The following ARHGAP35 variants were observed in gnomAD, a reference collection of about 807,000 sequenced individuals.
ARHGAP35 encodes the protein rho GTPase-activating protein 35.
ARHGAP35 carries 15 observed loss-of-function variants against 111.1 expected under a neutral mutation model. That is an observed-to-expected ratio of 0.13 (90% CI 0.09 to 0.21). The LOEUF (loss-of-function observed/expected upper bound fraction) is 0.21, where lower values mean the gene tolerates loss of function less well. ARHGAP35 is among the 10% of genes least tolerant of loss of function. The pLI is 1.00. For synonymous variants in ARHGAP35, 643 were observed against 710.3 expected (o/e 0.91, Z 1.51); for missense variants, 1,262 against 1,873.0 (o/e 0.67, Z 6.02).
intron 2 of ARHGAP35, among the ~76,000 whole-genome samples, chr19:46,928,929 C>A (rs60431367): frequency 0.022 from 2,980 of 136,134 alleles, 101 homozygotes; most frequent in African/African-American, 0.074. Context: ...GAGACGGTCT[C>A]AAAAAAAAAA....
chr19:46,988,155 C>A lies in ARHGAP35; in HGVS notation c.3904+89C>A. 1 of 1,283,560 alleles carries A rather than the reference C, an allele frequency of 7.8e-7. No individual in the cohort carries two copies. Among genetic ancestry groups the A allele is most frequent in the Non-Finnish European group, 1.1e-6 (1 of 907,478 alleles). The allele number at this position is 1,283,560 out of a possible 1,614,324, so 79.5% of individuals were successfully genotyped here. On this transcript the variant is annotated intron_variant, in intron 4 of 6. Transcript: ENST00000672722. The surrounding 1 kb of genome is among the most constrained non-coding windows in gnomAD (Gnocchi z 5.4). ...GTGAACTGTCTGTGGGGCTTCGGAG[C>A]ACTCCTGCCAGCACAGACCCAAAGC...
At chr19:46,972,568 T>C (rs1328333250) in intron 3 of ARHGAP35, among the ~76,000 whole-genome samples, 4 of 152,206 alleles carry the variant, frequency 2.6e-5, no homozygotes, top group Non-Finnish European at 5.9e-5. Flanking sequence ...GCATGACAGA[T>C]GTGGCCCTGA....
chr19:46,946,134 C>A (rs187235469), intron 3 of ARHGAP35, among the ~76,000 whole-genome samples: 16 of 152,364 alleles, frequency 1.1e-4, no homozygotes, highest in Non-Finnish European at 1.5e-5. Flanking sequence ...TGTCTGAAGT[C>A]AAGGAAGGCC....
intron 1 of ARHGAP35, among the ~76,000 whole-genome samples, chr19:46,878,187 A>C (rs2122129063): frequency 6.6e-6 from 1 of 151,708 alleles, no homozygotes; most frequent in East Asian, 1.9e-4. Context: ...CACCTGGCTA[A>C]ATGTTTTGTA....
chr19:46,905,807 C>T (rs2056104673), intron 1 of ARHGAP35, among the ~76,000 whole-genome samples: 2 of 152,228 alleles, frequency 1.3e-5, no homozygotes, highest in African/African-American at 4.8e-5. Flanking sequence ...CCACCTCAGC[C>T]TCCCAAAGTG....
chr19:46,910,266 C>T (rs1243975826), intron 1 of ARHGAP35, among the ~76,000 whole-genome samples: 1 of 151,950 alleles, frequency 6.6e-6, no homozygotes, highest in African/African-American at 2.4e-5. Context: ...GCACATGCCA[C>T]CATGCCTGGT....
At position 46,876,173 on chromosome 19, in the gene ARHGAP35, C is replaced by T. The variant is rs2055919144; in HGVS notation, c.-189+14964C>T. Among the ~76,000 whole-genome samples, 3 of 151,980 alleles carry T rather than the reference C, an allele frequency of 2.0e-5. No homozygotes were observed. In the South Asian group the frequency reaches 6.2e-4, roughly 32 times the overall value. The stretch of plus-strand genomic sequence containing the variant: ...TTACTGTGTGTCATTATTAGTGCTG[C>T]ACTACCTGGACCTGGCTTTATTTTT... On this transcript the variant is annotated intron_variant, in intron 1 of 6. Coordinates refer to ENST00000672722, the MANE Select transcript of ARHGAP35 (RefSeq NM_004491.5).
rs149027165 is a variant in ARHGAP35 at position 46,896,702 on chromosome 19, G to A, written c.-188-21786G>A. On this transcript the variant is annotated intron_variant, in intron 1 of 6. Transcript: ENST00000672722. Reference sequence around the variant, plus strand: ...CATACTAAGCCGGGTGATCTTGAACGAGTCTCTTGACCTCTGCAAGCCTGT... The same window carrying A: ...CATACTAAGCCGGGTGATCTTGAACAAGTCTCTTGACCTCTGCAAGCCTGT... 9.2e-5 allele frequency among the ~76,000 whole-genome samples: 14 copies of A among 152,286 alleles called. No homozygotes were observed. In the South Asian group the frequency reaches 1.2e-3, roughly 14 times the overall value.
intron 3 of ARHGAP35, chr19:46,947,123 G>C (rs1249465568): frequency 6.6e-6 from 1 of 152,206 alleles, no homozygotes; most frequent in Non-Finnish European, 1.5e-5. Flanking sequence ...CTCTTTAATA[G>C]CTTTAAGCTT....
At chr19:46,869,585 C>A (rs569389871) in intron 1 of ARHGAP35, among the ~76,000 whole-genome samples, 1 of 151,780 alleles carries the variant, frequency 6.6e-6, no homozygotes, top group Non-Finnish European at 1.5e-5. Context: ...AAGGTCAAAA[C>A]TGTGGCTTTA....
Position 46,945,211 on chromosome 19 carries a change from G to A in ARHGAP35, c.3826+7803G>A, listed in dbSNP as rs949000385. Reference sequence around the variant, plus strand: ...GAGGCGGGGTTGAGGGGGAGCTTAAGAGTCAGACTAACTTTCTATTTCTAG... The same window carrying A: ...GAGGCGGGGTTGAGGGGGAGCTTAAAAGTCAGACTAACTTTCTATTTCTAG... On this transcript the variant is annotated intron_variant, in intron 3 of 6. Coordinates refer to ENST00000672722, the MANE Select transcript of ARHGAP35 (RefSeq NM_004491.5). The surrounding 1 kb of genome is among the most constrained non-coding windows in gnomAD (Gnocchi z 4.1). Among the ~76,000 whole-genome samples, 2 of 152,138 alleles carry A rather than the reference G, an allele frequency of 1.3e-5. No individual in the cohort carries two copies. Among genetic ancestry groups the A allele is most frequent in the Non-Finnish European group, 2.9e-5 (2 of 68,032 alleles).
chr19:46,881,860 A>G (rs2055963913), intron 1 of ARHGAP35, among the ~76,000 whole-genome samples: 1 of 152,176 alleles, frequency 6.6e-6, no homozygotes, highest in Admixed American at 6.5e-5. Context: ...CACCTTCATC[A>G]AGGTGGGCTA....
Position 46,920,276 on chromosome 19 carries a change from A to G in ARHGAP35, c.1601A>G (p.Gln534Arg). 1.2e-6 allele frequency: 2 copies of G among 1,614,048 alleles called. No individual in the cohort carries two copies. Among genetic ancestry groups the G allele is most frequent in the Non-Finnish European group, 1.7e-6 (2 of 1,179,904 alleles). The change falls in exon 2 of 7, where the codon CAA (glutamine) becomes CGA (arginine). Residue 534 changes from glutamine to arginine, a missense_variant. Transcript: ENST00000672722. This position sits in a 1 kb window ranked among gnomAD's most constrained non-coding sequence, Gnocchi z 7.0. ...GAGGAACAGCGATTTAAAGCATTACAAAAGCTCCAAGCAGAGCGTGATGCC... is the reference window on the plus strand; with the variant it reads ...GAGGAACAGCGATTTAAAGCATTACGAAAGCTCCAAGCAGAGCGTGATGCC... ...LGEEQRFKAL[Q>R]KLQAERDALI...
In ARHGAP35 at chr19:46,957,963, G is replaced by A. The variant is rs116594144; in HGVS notation, c.3826+20555G>A. Among the ~76,000 whole-genome samples the A allele has an allele frequency of 3.8e-3, 581 of 152,282 alleles. 6 individuals are homozygous for A. Among genetic ancestry groups the A allele is most frequent in the African/African-American group, 0.013 (545 of 41,572 alleles). On this transcript the variant is annotated intron_variant, in intron 3 of 6. Coordinates refer to ENST00000672722, the MANE Select transcript of ARHGAP35 (RefSeq NM_004491.5). ...CTGAGGAGGGAGCTGGAGTGCAGTGGTGCGATCATAGCTCACTGCAGCCTG... is the reference window on the plus strand; with the variant it reads ...CTGAGGAGGGAGCTGGAGTGCAGTGATGCGATCATAGCTCACTGCAGCCTG...
chr19:46,936,582 G>A (rs967749814), intron 2 of ARHGAP35, among the ~76,000 whole-genome samples: 2 of 152,040 alleles, frequency 1.3e-5, no homozygotes, highest in African/African-American at 4.8e-5. Context: ...CTTTGAGTAT[G>A]TAACATCTAT....
At chr19:46,916,226 G>A (rs892128366) in intron 1 of ARHGAP35, among the ~76,000 whole-genome samples, 2 of 151,984 alleles carry the variant, frequency 1.3e-5, no homozygotes, top group Admixed American at 1.3e-4. Context: ...GAGCCACCGC[G>A]CCCAGCGAAG....
intron 1 of ARHGAP35, among the ~76,000 whole-genome samples, chr19:46,863,194 C>T (rs2055838280): frequency 6.6e-6 from 1 of 152,166 alleles, no homozygotes; most frequent in Admixed American, 6.5e-5. Flanking sequence ...GCATATCTTT[C>T]TTTCCATCCC....
At chr19:46,864,842 T>TC (rs569953051) in intron 1 of ARHGAP35, among the ~76,000 whole-genome samples, 150 of 152,358 alleles carry the variant, frequency 9.8e-4, no homozygotes, top group Non-Finnish European at 1.9e-3. Flanking sequence ...CATGTTGGTG[T>TC]CAATAGTTGT....
At chr19:46,933,788 C>T (rs1198914588) in intron 2 of ARHGAP35, among the ~76,000 whole-genome samples, 4 of 152,150 alleles carry the variant, frequency 2.6e-5, no homozygotes, top group African/African-American at 4.8e-5. Flanking sequence ...GCCACTGCAC[C>T]GCAGTCTGGA....
Sources: gnomAD v4.1 joint callset for allele counts (sites outside exome capture counted in the v4.1 genomes callset) on GRCh38, gnomAD v4.1.1 for gene constraint, Gnocchi (gnomAD v3.1) non-coding constraint, MANE v1.5 for transcripts, NCBI Gene and HGNC (gene_info 2026-07-23, HGNC 2026-07-21) for gene names.